Variants in KIAA1217 observed in about 807,000 individuals in gnomAD.
KIAA1217 encodes the protein sickle tail protein homolog.
In KIAA1217, 88 loss-of-function variants were observed where a neutral mutation model predicts 163.9. The observed-to-expected ratio is 0.54, with a 90% confidence interval of 0.45 to 0.64. The LOEUF (loss-of-function observed/expected upper bound fraction) is 0.64. Ranked by LOEUF, KIAA1217 falls within the 30% of genes least tolerant of loss-of-function variation. KIAA1217 has a pLI of 0.00. For synonymous variants in KIAA1217, 903 were observed against 923.1 expected (o/e 0.98, Z 0.39); for missense variants, 2,372 against 2,475.0 (o/e 0.96, Z 0.88).
chr10:23,853,540 G>C (rs926241015), intron 1 of KIAA1217, among the ~76,000 whole-genome samples: 3 of 152,162 alleles, frequency 2.0e-5, no homozygotes, highest in Non-Finnish European at 4.4e-5. Context: ...AAATGAGTTA[G>C]GGAGTATTCC....
chr10:24,376,141 G>C (rs539263580), intron 2 of KIAA1217, among the ~76,000 whole-genome samples: 53 of 152,302 alleles, frequency 3.5e-4, no homozygotes, highest in Admixed American at 1.8e-3. Flanking sequence ...AATTAATGCT[G>C]TTCAACTATG....
At chr10:24,151,382 T>A (rs1370002787) in intron 2 of KIAA1217, among the ~76,000 whole-genome samples, 1 of 149,948 alleles carries the variant, frequency 6.7e-6, no homozygotes. Flanking sequence ...AACTAACCCA[T>A]GGGCACTTAT....
intron 2 of KIAA1217, among the ~76,000 whole-genome samples, chr10:24,290,164 A>G (rs550783362): frequency 2.2e-4 from 33 of 152,174 alleles, no homozygotes; most frequent in African/African-American, 7.5e-4. Context: ...GCCTTGTCCT[A>G]AGGGCCCTGA....
intron 1 of KIAA1217, among the ~76,000 whole-genome samples, chr10:23,720,317 A>G (rs1385177121): frequency 2.0e-5 from 3 of 152,210 alleles, no homozygotes; most frequent in Admixed American, 6.5e-5. Context: ...AAATTGTAAA[A>G]CTATGTGTGT....
rs1332940588 is a variant in KIAA1217, at chr10:24,544,100, G to A, written c.4830G>A (p.Glu1610=). 2 of 1,614,162 alleles carry A rather than the reference G, an allele frequency of 1.2e-6. No individual in the cohort carries two copies. ...TGGTAGTCTATGAAGAAGAGGAAGAGGATGGCACCCTGAAACAGCACAAAG... is the reference window on the plus strand; with the variant it reads ...TGGTAGTCTATGAAGAAGAGGAAGAAGATGGCACCCTGAAACAGCACAAAG... ...LQVVVYEEEE[E]DGTLKQHKEA... is the part of the protein sequence containing the mutation. The change falls in exon 19 of 21, where the codon GAG becomes GAA. Residue 1610 remains glutamate (E), a synonymous_variant. Coordinates refer to ENST00000376454, the MANE Select transcript of KIAA1217 (RefSeq NM_019590.5).
At chr10:24,411,755 C>G (rs547108503) in intron 3 of KIAA1217, among the ~76,000 whole-genome samples, 1 of 152,170 alleles carries the variant, frequency 6.6e-6, no homozygotes, top group East Asian at 1.9e-4. Context: ...AAAATTAAAG[C>G]TCCAACATGA....
chr10:23,853,624 CG>C (rs1839480564), intron 1 of KIAA1217, among the ~76,000 whole-genome samples: 2 of 151,954 alleles, frequency 1.3e-5, no homozygotes, highest in Admixed American at 6.6e-5. Context: ...GTAGAATTCG[CG>C]TGTGAATCCA....
upstream of KIAA1217, among the ~76,000 whole-genome samples, chr10:24,204,717 G>A (rs1002717175): frequency 5.9e-5 from 9 of 152,268 alleles, no homozygotes; most frequent in African/African-American, 2.2e-4. Context: ...CTAAGTATAA[G>A]GTCACCCTAA....
chr10:23,934,570 TA>T lies in KIAA1217; in HGVS notation c.-320-72654del, dbSNP rs1564545444. 2.3e-3 allele frequency among the ~76,000 whole-genome samples: 178 copies of T among 77,980 alleles called. 17 individuals carry two copies. Among genetic ancestry groups the T allele is most frequent in the African/African-American group, 0.022 (167 of 7,554 alleles). The allele number at this position is 77,980 out of a possible 152,430, so 51.2% of individuals were successfully genotyped here. On this transcript the variant is annotated intron_variant, in intron 1 of 18. Transcript: ENST00000376462. Reference sequence around the variant, plus strand: ...GTGGTCTTTAAAGTATATATATATATATATATATATATATATATATGTATAT... The same window carrying T: ...GTGGTCTTTAAAGTATATATATATATTATATATATATATATATATGTATAT...
At chr10:23,991,858 G>C (rs764408280) in intron 1 of KIAA1217, among the ~76,000 whole-genome samples, 2 of 152,144 alleles carry the variant, frequency 1.3e-5, no homozygotes, top group African/African-American at 2.4e-5. Context: ...TTCATGATAG[G>C]AAGTAGCTGG....
At chr10:24,491,483 T>G (rs1444027815) in intron 6 of KIAA1217, among the ~76,000 whole-genome samples, 1 of 151,946 alleles carries the variant, frequency 6.6e-6, no homozygotes, top group Non-Finnish European at 1.5e-5. Flanking sequence ...AGAGACGGGA[T>G]TTCACCATGT....
At chr10:24,334,149 G>A (rs771291079) in intron 2 of KIAA1217, among the ~76,000 whole-genome samples, 1 of 152,102 alleles carries the variant, frequency 6.6e-6, no homozygotes, top group Non-Finnish European at 1.5e-5. Context: ...ATTTGAGTTT[G>A]GACTCAAAGT....
chr10:24,294,136 C>G (rs929743680), intron 2 of KIAA1217, among the ~76,000 whole-genome samples: 3 of 120,884 alleles, frequency 2.5e-5, no homozygotes, highest in African/African-American at 9.6e-5. Flanking sequence ...TGCAGTGAGC[C>G]GAGATAGCGC....
intron 1 of KIAA1217, among the ~76,000 whole-genome samples, chr10:23,978,712 C>T (rs1845642809): frequency 6.6e-6 from 1 of 152,118 alleles, no homozygotes; most frequent in Admixed American, 6.6e-5. Context: ...ACTGCAAATA[C>T]ATACTAGTAT....
intron 9 of KIAA1217, among the ~76,000 whole-genome samples, chr10:24,506,682 A>G (rs2068402098): frequency 6.6e-6 from 1 of 152,232 alleles, no homozygotes; most frequent in Non-Finnish European, 1.5e-5. Context: ...CGTAATCCTT[A>G]GGAGAATGGG....
chr10:24,544,212 A>G lies in KIAA1217; in HGVS notation c.4942A>G (p.Ser1648Gly). ...GAGGCAAGAGCAGCCCAGCATCGAGAGTACATCTCCGATTTCAAGAACTGA... is the reference window on the plus strand; with the variant it reads ...GAGGCAAGAGCAGCCCAGCATCGAGGGTACATCTCCGATTTCAAGAACTGA... ...VRRQEQPSIE[S>G]TSPISRTDEI... Residue 1648 changes from serine to glycine, a missense_variant, in exon 19 of 21, where the codon AGT becomes GGT. By Grantham distance (56) the Ser-to-Gly change is moderately conservative. Coordinates refer to ENST00000376454, the MANE Select transcript of KIAA1217 (RefSeq NM_019590.5). 6.2e-7 allele frequency: 1 copy of G among 1,614,146 alleles called. No homozygotes were observed. Among genetic ancestry groups the G allele is most frequent in the Non-Finnish European group, 8.5e-7 (1 of 1,180,026 alleles).
At chr10:24,461,459 A>G (rs959310970) in intron 5 of KIAA1217, among the ~76,000 whole-genome samples, 1 of 152,068 alleles carries the variant, frequency 6.6e-6, no homozygotes, top group Non-Finnish European at 1.5e-5. Flanking sequence ...GGTTCCAGCA[A>G]TTCTCCTGCC....
At chr10:24,319,428 G>C (rs181592390) in intron 2 of KIAA1217, among the ~76,000 whole-genome samples, 1 of 148,700 alleles carries the variant, frequency 6.7e-6, no homozygotes, top group African/African-American at 2.5e-5. Flanking sequence ...CTTTGGAAAG[G>C]AGATTCTAAA....
At chr10:24,288,750 C>A (rs1463350862) in intron 2 of KIAA1217, among the ~76,000 whole-genome samples, 2 of 152,172 alleles carry the variant, frequency 1.3e-5, no homozygotes. Context: ...ATGTCCTGTG[C>A]AGAGTTTAAT....
Sources: allele counts gnomAD v4.1 joint callset (sites outside exome capture counted in the v4.1 genomes callset), GRCh38; gene constraint gnomAD v4.1.1; transcripts MANE v1.5; gene names NCBI Gene and HGNC (gene_info 2026-07-23, HGNC 2026-07-21).